Variants in ASTN2 observed in about 807,000 individuals in gnomAD.
ASTN2 encodes astrotactin 2.
Under a neutral mutation model 139.8 loss-of-function variants are expected in ASTN2, and 54 were observed. The ratio of observed to expected loss-of-function variants is 0.39; its 90% CI spans 0.31 to 0.48. ASTN2 has a LOEUF of 0.48. ASTN2 is among the 20% of genes least tolerant of loss of function. The pLI is 0.95. For synonymous variants in ASTN2, 756 were observed against 719.5 expected (o/e 1.05, Z -0.81); for missense variants, 1,565 against 1,725.1 (o/e 0.91, Z 1.64).
chr9:116,469,789 C>A (rs1410101332), intron 20 of ASTN2, among the ~76,000 whole-genome samples: 1 of 152,182 alleles, frequency 6.6e-6, no homozygotes, highest in Non-Finnish European at 1.5e-5. Context: ...ACTGTCAAGT[C>A]TAACAGGGAA....
Position 116,426,057 on chromosome 9 carries a change from T to A in ASTN2, c.3814A>T (p.Arg1272Trp), listed in dbSNP as rs766670415. The A allele has an allele frequency of 6.2e-7, 1 of 1,613,562 alleles. No individual in the cohort carries two copies. Among genetic ancestry groups the A allele is most frequent in the Non-Finnish European group, 8.5e-7 (1 of 1,179,948 alleles). The change falls in exon 23 of 23, where the codon AGG (arginine) becomes TGG (tryptophan). Residue 1272 changes from arginine (R) to tryptophan (W), a missense_variant. Coordinates refer to ENST00000313400, the MANE Select transcript of ASTN2 (RefSeq NM_001365068.1). Reference sequence around the variant, plus strand: ...AGGCTGGAGCAGTGGCTACTCACCCTCTCCAGTCGCCGTAGAATCAGGTGG... The same window carrying A: ...AGGCTGGAGCAGTGGCTACTCACCCACTCCAGTCGCCGTAGAATCAGGTGG... The part of the protein sequence containing the change: ...KAHLILRRLE[R>W]VSSHCSSLLR...
intron 13 of ASTN2, among the ~76,000 whole-genome samples, chr9:116,802,375 C>T (rs1830887557): frequency 6.6e-6 from 1 of 152,274 alleles, no homozygotes; most frequent in South Asian, 2.1e-4. Context: ...CATGAGCCAC[C>T]ACAACCAGCG....
At chr9:117,103,372 G>A (rs1829028463) in intron 4 of ASTN2, among the ~76,000 whole-genome samples, 1 of 152,144 alleles carries the variant, frequency 6.6e-6, no homozygotes. Context: ...GATATTTAAA[G>A]CCTTCCCCTA....
At chr9:116,855,276 C>A (rs1313855035) in intron 11 of ASTN2, among the ~76,000 whole-genome samples, 1 of 151,894 alleles carries the variant, frequency 6.6e-6, no homozygotes, top group Non-Finnish European at 1.5e-5. Context: ...GCTCCAAATT[C>A]ATAAAGGAAA....
chr9:116,426,438 C>T (rs1847312162), intron 22 of ASTN2, among the ~76,000 whole-genome samples: 1 of 152,170 alleles, frequency 6.6e-6, no homozygotes, highest in Admixed American at 6.5e-5. Flanking sequence ...GTTATTGACA[C>T]CATATGCTAG....
intron 13 of ASTN2, among the ~76,000 whole-genome samples, chr9:116,803,481 A>AATTATATATATAT (rs1830924852): frequency 1.2e-5 from 1 of 80,110 alleles, no homozygotes; most frequent in African/African-American, 4.1e-5. Flanking sequence ...AAGTTCGAAT[A>AATTATATATATAT]ATATATATAT....
At chr9:117,058,799 T>C (rs370795736) in intron 5 of ASTN2, among the ~76,000 whole-genome samples, 1 of 152,028 alleles carries the variant, frequency 6.6e-6, no homozygotes, top group East Asian at 1.9e-4. Context: ...TACAGAAGAA[T>C]AGGGGGACAT....
chr9:117,306,911 A>C (rs1367266417), intron 1 of ASTN2, among the ~76,000 whole-genome samples: 1 of 152,170 alleles, frequency 6.6e-6, no homozygotes, highest in East Asian at 1.9e-4. Context: ...ATGTTGCCAG[A>C]GCCAGGAGGA....
At chr9:117,398,906 C>T (rs1044793121) in intron 1 of ASTN2, among the ~76,000 whole-genome samples, 13 of 152,098 alleles carry the variant, frequency 8.5e-5, no homozygotes, top group South Asian at 2.1e-4. Flanking sequence ...CTCAGCCTCC[C>T]GAGTAGCTGG....
chr9:116,487,927 T>A (rs1357341186), intron 19 of ASTN2, among the ~76,000 whole-genome samples: 1 of 152,208 alleles, frequency 6.6e-6, no homozygotes, highest in African/African-American at 2.4e-5. Context: ...ATGAAGGAAC[T>A]GGACTAAAGA....
chr9:116,717,496 G>T (rs956406730), intron 16 of ASTN2, among the ~76,000 whole-genome samples: 6 of 152,058 alleles, frequency 3.9e-5, no homozygotes, highest in Non-Finnish European at 7.4e-5. Flanking sequence ...GCAAGAAAAC[G>T]CTTCCCTAGA....
At chr9:116,772,174 G>C (rs1426187591) in intron 13 of ASTN2, among the ~76,000 whole-genome samples, 4 of 152,208 alleles carry the variant, frequency 2.6e-5, no homozygotes, top group Admixed American at 6.5e-5. Flanking sequence ...ATATGGTTTG[G>C]CTGTGTCCCC....
At chr9:117,104,298 A>G (rs1587967555) in intron 4 of ASTN2, among the ~76,000 whole-genome samples, 1 of 152,238 alleles carries the variant, frequency 6.6e-6, no homozygotes. Context: ...CATAGCATAT[A>G]GTCTTTCATA....
chr9:116,606,978 T>C (rs1248683775), intron 19 of ASTN2, among the ~76,000 whole-genome samples: 1 of 152,178 alleles, frequency 6.6e-6, no homozygotes, highest in Non-Finnish European at 1.5e-5. Flanking sequence ...AACTGAGAAA[T>C]TTCAATTTAA....
intron 13 of ASTN2, among the ~76,000 whole-genome samples, chr9:116,761,661 C>T (rs1234774651): frequency 6.6e-6 from 1 of 152,006 alleles, no homozygotes; most frequent in Non-Finnish European, 1.5e-5. Flanking sequence ...GCAGGTAAGA[C>T]AAGGGGTGGG....
chr9:116,784,656 TGGG>T (rs1309296386), intron 13 of ASTN2, among the ~76,000 whole-genome samples: 1 of 151,996 alleles, frequency 6.6e-6, no homozygotes, highest in Non-Finnish European at 1.5e-5. Flanking sequence ...GAGGCTGTGT[TGGG>T]GGGCTCATGC....
chr9:116,914,161 G>A (rs1392240698), intron 10 of ASTN2, among the ~76,000 whole-genome samples: 2 of 151,790 alleles, frequency 1.3e-5, no homozygotes, highest in Non-Finnish European at 2.9e-5. Context: ...CTATGGGGAC[G>A]AGGTTCTTGA....
At chr9:116,649,994 C>G (rs1205779019) in intron 17 of ASTN2, among the ~76,000 whole-genome samples, 1 of 152,202 alleles carries the variant, frequency 6.6e-6, no homozygotes, top group African/African-American at 2.4e-5. Flanking sequence ...CTGACACTTT[C>G]CCTACCTCCT....
In ASTN2 at chr9:117,073,583, T is replaced by A. The variant is rs118094214; in HGVS notation, c.1276+22461A>T. ...AGATTTCCTAGGGCCAGGAATTAGGTTGGATTCATCTTGTATCTCCAGCAA... is the reference window on the plus strand; with the variant it reads ...AGATTTCCTAGGGCCAGGAATTAGGATGGATTCATCTTGTATCTCCAGCAA... On this transcript the variant is annotated intron_variant, in intron 5 of 22. Transcript: ENST00000313400. Among the ~76,000 whole-genome samples, 587 of 152,312 alleles carry A rather than the reference T, an allele frequency of 3.9e-3. 1 individual carries two copies. Among genetic ancestry groups the A allele is most frequent in the Middle Eastern group, 0.024 (7 of 294 alleles).
Sources: allele counts gnomAD v4.1 joint callset (sites outside exome capture counted in the v4.1 genomes callset), GRCh38; gene constraint gnomAD v4.1.1; transcripts MANE v1.5; gene names NCBI Gene and HGNC (gene_info 2026-07-23, HGNC 2026-07-21).